NCAM2: variants seen among roughly 807,000 people sequenced by gnomAD.
The protein encoded by NCAM2 is neural cell adhesion molecule 2.
NCAM2 carries 30 observed loss-of-function variants against 98.1 expected under a neutral mutation model. The ratio of observed to expected loss-of-function variants is 0.31; its 90% confidence interval spans 0.23 to 0.41. The LOEUF (loss-of-function observed/expected upper bound fraction) is 0.41. Among genes scored for constraint, NCAM2 ranks in the 10% least tolerant of loss-of-function variants. NCAM2 has a pLI of 1.00. For synonymous variants in NCAM2, 368 were observed against 342.4 expected, an observed-to-expected ratio of 1.07 and a Z score of -0.83; for missense variants, 867 against 1,005.8, an observed-to-expected ratio of 0.86 and a Z score of 1.87.
intron 8 of NCAM2, among the ~76,000 whole-genome samples, chr21:21,338,974 A>G (rs1251816493): frequency 2.0e-5 from 3 of 152,124 alleles, no homozygotes; most frequent in African/African-American, 7.2e-5. Context: ...AAACCTCAGC[A>G]ATTTCAGTTT....
intron 16 of NCAM2, among the ~76,000 whole-genome samples, chr21:21,529,882 G>A (rs1432709252): frequency 6.6e-6 from 1 of 150,576 alleles, no homozygotes; most frequent in Non-Finnish European, 1.5e-5. Flanking sequence ...TTTTATGATA[G>A]ACTGGATGAC....
At chr21:21,520,897 A>C (rs1033472510) in intron 16 of NCAM2, among the ~76,000 whole-genome samples, 2 of 152,140 alleles carry the variant, frequency 1.3e-5, no homozygotes, top group Non-Finnish European at 2.9e-5. Context: ...TAGTCATAGG[A>C]GGTCCTATAC....
chr21:21,253,988 T>C (rs1202765315), intron 1 of NCAM2, among the ~76,000 whole-genome samples: 2 of 152,180 alleles, frequency 1.3e-5, no homozygotes, highest in African/African-American at 2.4e-5. Flanking sequence ...TTAAGACCTA[T>C]GGAGGATGCC....
At chr21:21,028,699 A>G (rs892738352) in intron 1 of NCAM2, among the ~76,000 whole-genome samples, 2 of 152,322 alleles carry the variant, frequency 1.3e-5, no homozygotes, top group Admixed American at 6.5e-5. Flanking sequence ...AAAATGCCCT[A>G]ATAGTCTTTT....
At chr21:21,182,789 C>G (rs1324086762) in intron 1 of NCAM2, among the ~76,000 whole-genome samples, 1 of 152,106 alleles carries the variant, frequency 6.6e-6, no homozygotes, top group East Asian at 1.9e-4. Flanking sequence ...TAACAGAGAT[C>G]AGCACTTGGC....
At chr21:21,477,538 C>T in intron 15 of NCAM2, 67 bp downstream of exon 15, 1 of 1,212,080 alleles carries the variant, frequency 8.3e-7, no homozygotes, top group Non-Finnish European at 1.1e-6. Context: ...ATAACCCTTA[C>T]TGACTTTTCT....
At chr21:21,272,171 A>G (rs1259697572) in intron 1 of NCAM2, among the ~76,000 whole-genome samples, 1 of 152,184 alleles carries the variant, frequency 6.6e-6, no homozygotes, top group Admixed American at 6.5e-5. Context: ...TGTTCTAGAG[A>G]TTGTAGACAT....
At chr21:21,305,907 T>C (rs2147677869) in intron 5 of NCAM2, among the ~76,000 whole-genome samples, 1 of 152,284 alleles carries the variant, frequency 6.6e-6, no homozygotes, top group Non-Finnish European at 1.5e-5. Context: ...ATATGTCTAC[T>C]TCAACTTTAT....
chr21:21,385,756 T>C (rs1043181100), intron 9 of NCAM2: 18 of 776,092 alleles, frequency 2.3e-5, no homozygotes, highest in African/African-American at 3.7e-5. Flanking sequence ...AAGCACTGGT[T>C]ACATAGTATG....
At chr21:21,338,616 C>G (rs1568951605) in intron 8 of NCAM2, 82 bp downstream of exon 8, 1 of 1,284,420 alleles carries the variant, frequency 7.8e-7, no homozygotes. Context: ...AAATTAGTCT[C>G]CAATTTACCT....
intron 16 of NCAM2, among the ~76,000 whole-genome samples, chr21:21,523,380 A>G (rs1363838361): frequency 6.6e-6 from 1 of 151,340 alleles, no homozygotes; most frequent in Non-Finnish European, 1.5e-5. Flanking sequence ...GGTGAGAGAT[A>G]GGGGTCTGGT....
intron 8 of NCAM2, among the ~76,000 whole-genome samples, chr21:21,364,697 T>TA: frequency 6.6e-6 from 1 of 152,094 alleles, no homozygotes; most frequent in Non-Finnish European, 1.5e-5. Context: ...TATTGCCAGA[T>TA]ACTTTTAATT....
chr21:21,438,183 G>C (rs1283964212), intron 12 of NCAM2, among the ~76,000 whole-genome samples: 1 of 150,956 alleles, frequency 6.6e-6, no homozygotes, highest in East Asian at 2.0e-4. Context: ...CTTTTCCTTG[G>C]TAGTAAATAT....
At chr21:21,070,021 T>A (rs2065526154) in intron 1 of NCAM2, among the ~76,000 whole-genome samples, 1 of 152,128 alleles carries the variant, frequency 6.6e-6, no homozygotes, top group South Asian at 2.1e-4. Flanking sequence ...TGCATGTGTA[T>A]GCATGCACGC....
chr21:21,376,016 C>G (rs2076025023), intron 9 of NCAM2, among the ~76,000 whole-genome samples: 1 of 151,632 alleles, frequency 6.6e-6, no homozygotes, highest in Non-Finnish European at 1.5e-5. Flanking sequence ...GGCAGAGTGG[C>G]TCGTACAAGA....
At chr21:21,240,543 C>G (rs1447497743) in intron 1 of NCAM2, among the ~76,000 whole-genome samples, 2 of 152,190 alleles carry the variant, frequency 1.3e-5, no homozygotes, top group African/African-American at 2.4e-5. Flanking sequence ...TTAACCCAGA[C>G]TCTGGTTCTG....
chr21:21,277,180 A>G (rs896855545), intron 1 of NCAM2, among the ~76,000 whole-genome samples: 27 of 152,260 alleles, frequency 1.8e-4, no homozygotes, highest in African/African-American at 6.5e-4. Context: ...TGTTGTCAAT[A>G]CAGTCGGTGT....
intron 17 of NCAM2, among the ~76,000 whole-genome samples, chr21:21,534,895 A>G (rs1490688150): frequency 6.6e-6 from 1 of 152,132 alleles, no homozygotes; most frequent in Non-Finnish European, 1.5e-5. Flanking sequence ...ATTTAATGCA[A>G]AAGTATAAAA....
chr21:21,375,360 T>G (rs1170057924), intron 9 of NCAM2, among the ~76,000 whole-genome samples: 2 of 151,628 alleles, frequency 1.3e-5, no homozygotes, highest in Non-Finnish European at 2.9e-5. Flanking sequence ...AAAAGGATTA[T>G]GAAAGGCAGT....
Sources: gnomAD v4.1 joint callset for allele counts (sites outside exome capture counted in the v4.1 genomes callset) on GRCh38, gnomAD v4.1.1 for gene constraint, MANE v1.5 for transcripts, NCBI Gene and HGNC (gene_info 2026-07-23, HGNC 2026-07-21) for gene names.